The following GTF2I variants were observed in gnomAD, a reference collection of about 807,000 sequenced individuals.
GTF2I encodes general transcription factor II-I.
Under a neutral mutation model 67.6 loss-of-function variants are expected in GTF2I, and 12 were observed. The ratio of observed to expected loss-of-function variants is 0.18; its 90% CI spans 0.11 to 0.29. The LOEUF is 0.29. Ranked by LOEUF, GTF2I falls within the 10% of genes least tolerant of loss-of-function variation. GTF2I has a pLI of 1.00. For synonymous variants in GTF2I, 149 were observed against 197.0 expected, an observed-to-expected ratio of 0.76 and a Z score of 2.04; for missense variants, 271 against 580.1, an observed-to-expected ratio of 0.47 and a Z score of 5.47.
chr7:74,719,739 G>A (rs1554404226), intron 12 of GTF2I, among the ~76,000 whole-genome samples: 2 of 152,090 alleles, frequency 1.3e-5, no homozygotes, highest in Admixed American at 6.5e-5. Context: ...GACCAGCATG[G>A]TGAAACGCCC....
intron 18 of GTF2I, among the ~76,000 whole-genome samples, chr7:74,736,983 A>G (rs1445584829): frequency 7.1e-6 from 1 of 140,028 alleles, no homozygotes; most frequent in Non-Finnish European, 1.6e-5. Flanking sequence ...ACTTGAGGTC[A>G]GGAGTTCAAG....
intron 1 of GTF2I, among the ~76,000 whole-genome samples, chr7:74,666,039 C>T (rs1804942342): frequency 6.6e-6 from 1 of 152,098 alleles, no homozygotes; most frequent in South Asian, 2.1e-4. Flanking sequence ...AGGGGTTTTA[C>T]TATATGTTGG....
intron 1 of GTF2I, among the ~76,000 whole-genome samples, chr7:74,682,578 G>A (rs1187853094): frequency 6.6e-6 from 1 of 152,192 alleles, no homozygotes; most frequent in African/African-American, 2.4e-5. Context: ...CTAGGCAGGT[G>A]TTGTCTCTTG....
chr7:74,687,571 G>A (rs1416219637), intron 1 of GTF2I: 3 of 983,676 alleles, frequency 3.0e-6, no homozygotes, highest in Middle Eastern at 5.2e-4. Context: ...TGTATGCTTC[G>A]TTACTTGTTG....
At chr7:74,718,157 A>G (rs1554403972) in intron 11 of GTF2I, among the ~76,000 whole-genome samples, 1 of 152,224 alleles carries the variant, frequency 6.6e-6, no homozygotes, top group East Asian at 1.9e-4. Context: ...TTTTACTGTC[A>G]TATTCCAGTG....
In GTF2I at chr7:74,699,059, A is replaced by G; in HGVS notation, c.337A>G (p.Arg113Gly). Reference sequence around the variant, plus strand: ...AGATGCTGTAGAAATTGAAACACTCAGAAAAACAGTTGAGGACTATTTCTG... The same window carrying G: ...AGATGCTGTAGAAATTGAAACACTCGGAAAAACAGTTGAGGACTATTTCTG... ...SVDAVEIETL[R>G]KTVEDYFCFC... is the part of the protein sequence containing the mutation. The change falls in exon 4 of 35, where the codon AGA becomes GGA. Residue 113 changes from arginine to glycine, a missense_variant. Physicochemically the swap from Arg to Gly is moderately radical, Grantham distance 125 (BLOSUM62 -2). This residue lies in a region of GTF2I where 72 missense variants were observed against 87.4 expected (regional missense o/e 0.82). Coordinates refer to ENST00000573035, the MANE Select transcript of GTF2I (RefSeq NM_032999.4). The G allele has an allele frequency of 6.5e-7, 1 of 1,538,596 alleles. No homozygotes were observed. The highest frequency in any genetic ancestry group is 1.3e-5 in the South Asian group (1 of 75,904).
intron 1 of GTF2I, among the ~76,000 whole-genome samples, chr7:74,682,404 G>T (rs74531480): frequency 0.011 from 1,720 of 152,306 alleles, 11 homozygotes; most frequent in Middle Eastern, 0.034. Context: ...ACAGAAGTGA[G>T]AATTACTCTT....
intron 1 of GTF2I, among the ~76,000 whole-genome samples, chr7:74,670,369 C>T (rs1805344532): frequency 6.6e-6 from 1 of 152,092 alleles, no homozygotes. Flanking sequence ...TAGCTTTGCT[C>T]TGTTGCCTGC....
At chr7:74,676,257 CG>C (rs782765300) in intron 1 of GTF2I, among the ~76,000 whole-genome samples, 35 of 152,120 alleles carry the variant, frequency 2.3e-4, no homozygotes, top group Non-Finnish European at 4.7e-4. Flanking sequence ...TGCTGTCATT[CG>C]AAAGACAAAC....
At chr7:74,724,245 A>T (rs1793471232) in intron 12 of GTF2I, among the ~76,000 whole-genome samples, 1 of 152,198 alleles carries the variant, frequency 6.6e-6, no homozygotes, top group Admixed American at 6.5e-5. Context: ...CATTTATTTG[A>T]AATGTATAGG....
intron 1 of GTF2I, among the ~76,000 whole-genome samples, chr7:74,682,472 A>T (rs1208118114): frequency 2.0e-5 from 3 of 152,164 alleles, no homozygotes; most frequent in Non-Finnish European, 4.4e-5. Context: ...TTGTGGGGTG[A>T]GAGACTCAGA....
intron 8 of GTF2I, among the ~76,000 whole-genome samples, chr7:74,710,489 A>G (rs1458952803): frequency 6.6e-6 from 1 of 152,194 alleles, no homozygotes; most frequent in African/African-American, 2.4e-5. Flanking sequence ...ACTCTTTTGT[A>G]TCTGGCCACA....
chr7:74,682,832 G>A (rs1787382245), intron 1 of GTF2I, among the ~76,000 whole-genome samples: 2 of 152,036 alleles, frequency 1.3e-5, no homozygotes, highest in African/African-American at 4.8e-5. Flanking sequence ...TAGAGAGTAG[G>A]AAACTATAAA....
intron 12 of GTF2I, among the ~76,000 whole-genome samples, chr7:74,722,946 A>G (rs775157118): frequency 6.6e-5 from 10 of 152,288 alleles, no homozygotes; most frequent in Non-Finnish European, 1.3e-4. Flanking sequence ...GAGTTTCAGT[A>G]TTTTAGTAGG....
At chr7:74,700,763 G>T in intron 6 of GTF2I, 129 bp downstream of exon 6, 1 of 917,156 alleles carries the variant, frequency 1.1e-6, no homozygotes, top group South Asian at 1.4e-5. Flanking sequence ...GGGCTGTTTA[G>T]ATGTTTATAT....
chr7:74,727,430 T>C (rs1793993492), intron 12 of GTF2I: 1 of 152,240 alleles, frequency 6.6e-6, no homozygotes, highest in Non-Finnish European at 1.5e-5. Flanking sequence ...CGTAGTCTAG[T>C]GGAGTTACAC....
At chr7:74,686,013 A>T (rs587723460) in intron 1 of GTF2I, among the ~76,000 whole-genome samples, 1 of 152,350 alleles carries the variant, frequency 6.6e-6, no homozygotes, top group African/African-American at 2.4e-5. Flanking sequence ...AGATCGTGCC[A>T]CTGCACTAAA....
intron 16 of GTF2I, among the ~76,000 whole-genome samples, chr7:74,734,413 ATTTTG>A (rs1162557434): frequency 9.4e-5 from 14 of 149,604 alleles, no homozygotes; most frequent in Non-Finnish European, 1.5e-4. Context: ...TGTTAGATGT[ATTTTG>A]TTTTGTTTTG....
chr7:74,700,630 T>A lies in GTF2I; in HGVS notation c.582T>A (p.His194Gln), dbSNP rs147069558. The A allele has an allele frequency of 6.2e-7, 1 of 1,613,952 alleles. No individual in the cohort carries two copies. Among genetic ancestry groups the A allele is most frequent in the South Asian group, 1.1e-5 (1 of 91,082 alleles). ...IKRPFLEPKK[H>Q]VGGRVMVTDA... Reference sequence around the variant, plus strand: ...GACCTTTTTTAGAGCCAAAGAAGCATGTAGGTAAGTAAGTGCTTTGCTTCC... The same window carrying A: ...GACCTTTTTTAGAGCCAAAGAAGCAAGTAGGTAAGTAAGTGCTTTGCTTCC... Residue 194 changes from histidine (H) to glutamine (Q), a missense_variant, in exon 6 of 35, where the codon CAT (histidine) becomes CAA (glutamine). Physicochemically the swap from His to Gln is conservative, Grantham distance 24. Coordinates refer to ENST00000573035, the MANE Select transcript of GTF2I (RefSeq NM_032999.4).
Sources: gnomAD v4.1 joint callset for allele counts (sites outside exome capture counted in the v4.1 genomes callset) on GRCh38, gnomAD v4.1.1 for gene constraint, gnomAD v4.1.1 regional missense constraint, MANE v1.5 for transcripts, NCBI Gene and HGNC (gene_info 2026-07-23, HGNC 2026-07-21) for gene names.